NPC1L1: variants seen among roughly 807,000 people sequenced by gnomAD.
NPC1L1 encodes NPC1 like intracellular cholesterol transporter 1, also known as NPC1-like intracellular cholesterol transporter 1.
A neutral mutation model predicts 117.0 loss-of-function variants in NPC1L1; 98 were observed. That is an observed-to-expected ratio of 0.84 (90% CI 0.71 to 0.99). The LOEUF is 0.99. Ranked by LOEUF, NPC1L1 falls within the 50% of genes least tolerant of loss-of-function variation. The probability of loss-of-function intolerance (pLI) is 0.00; values close to 1 mark genes in which losing one functional copy is unlikely to be tolerated. For missense variants in NPC1L1, 1,540 were observed against 1,710.0 expected (o/e 0.90, Z 1.75); for synonymous variants, 729 against 727.6 (o/e 1.00, Z -0.03).
intron 10 of NPC1L1, among the ~76,000 whole-genome samples, chr7:44,523,821 T>G (rs1801431736): frequency 6.6e-6 from 1 of 152,206 alleles, no homozygotes; most frequent in Non-Finnish European, 1.5e-5. Flanking sequence ...GACCTATGAT[T>G]GCACCACTGC....
chr7:44,537,317 T>C (rs1334185821), intron 2 of NPC1L1, among the ~76,000 whole-genome samples: 1 of 152,216 alleles, frequency 6.6e-6, no homozygotes, highest in Non-Finnish European at 1.5e-5. Context: ...GACTCTGGAT[T>C]GAGCGTCACA....
intron 2 of NPC1L1, among the ~76,000 whole-genome samples, 199 bp from the exon 3 acceptor site, chr7:44,537,141 A>G (rs1562569440): frequency 6.6e-6 from 1 of 152,164 alleles, no homozygotes; most frequent in Admixed American, 6.5e-5. Context: ...TGGGTCCTAA[A>G]TGGCTCCCAT....
In NPC1L1 at chr7:44,540,313, G is replaced by A; in HGVS notation, c.84C>T (p.His28=). Residue 28 remains histidine (H), a synonymous_variant, in exon 2 of 19, where the codon CAC becomes CAT. Coordinates refer to ENST00000381160, the MANE Select transcript of NPC1L1 (RefSeq NM_001101648.2). ...LAQSEPYTTI[H]QPGYCAFYDE... is the part of the protein sequence containing the mutation. ...CATAGAAGGCGCAGTAGCCAGGCTG[G>A]TGGATGGTTGTGTAAGGCTCACTCT... is the stretch of plus-strand genomic sequence containing the variant. 6.2e-7 allele frequency: 1 copy of A among 1,613,460 alleles called. No individual in the cohort carries two copies. Among genetic ancestry groups the A allele is most frequent in the South Asian group, 1.1e-5 (1 of 91,082 alleles).
At chr7:44,519,029 CT>C (rs1191533407) in intron 14 of NPC1L1, among the ~76,000 whole-genome samples, 1 of 113,684 alleles carries the variant, frequency 8.8e-6, no homozygotes, top group Non-Finnish European at 2.2e-5. Flanking sequence ...CCCTTTCTTT[CT>C]TTTCTTTTCT....
chr7:44,533,802 G>A lies in NPC1L1; in HGVS notation c.2218C>T (p.Leu740=). ...AGCATGCTGGGAGCCACCCTGCCTAGGGCTCGCCCAATGTGGACCTCTCGT... is the reference window on the plus strand; with the variant it reads ...AGCATGCTGGGAGCCACCCTGCCTAAGGCTCGCCCAATGTGGACCTCTCGT... ...EPREVHIGRA[L]GRVAPSMLLC... is the part of the protein sequence containing the mutation. The change falls in exon 7 of 19, where the codon CTA becomes TTA. Residue 740 remains leucine (L), a synonymous_variant. Coordinates refer to ENST00000381160, the MANE Select transcript of NPC1L1 (RefSeq NM_001101648.2). The A allele has an allele frequency of 6.2e-7, 1 of 1,613,928 alleles. No homozygotes were observed. The highest frequency in any genetic ancestry group is 8.5e-7 in the Non-Finnish European group (1 of 1,179,988).
In NPC1L1 at chr7:44,518,113, C is replaced by CAA. The variant is rs113705525; in HGVS notation, c.3137-758_3137-757dup. On this transcript the variant is annotated intron_variant, in intron 14 of 18. Coordinates refer to ENST00000381160, the MANE Select transcript of NPC1L1 (RefSeq NM_001101648.2). ...TGGGCAACAGAGCAAGATCCCATCT[C>CAA]AAAAAAAAAAAAGAAGAAATTAAGG... Among the ~76,000 whole-genome samples the CAA allele has an allele frequency of 1.1e-3, 150 of 136,240 alleles. 3 individuals carry two copies. The highest frequency in any genetic ancestry group is 7.7e-3 in the Middle Eastern group (2 of 260). 89.4% of individuals were successfully genotyped at this position (136,240 alleles called of 152,430 possible).
At chr7:44,520,077 T>C (rs1239554802) in intron 14 of NPC1L1, among the ~76,000 whole-genome samples, 1 of 152,146 alleles carries the variant, frequency 6.6e-6, no homozygotes. Context: ...GTCAGGAGTT[T>C]GAGACCAGCT....
rs532138607 is a variant in NPC1L1 at position 44,539,359 on chromosome 7, C to T, written c.1038G>A (p.Thr346=). The T allele has an allele frequency of 2.0e-5, 33 of 1,613,424 alleles. No individual in the cohort carries two copies. The East Asian group carries it at 2.2e-4, about 11-fold the overall frequency. ...LLGQFFQGWG[T]WVASWPLTIL... is the part of the protein sequence containing the mutation. ...TGGTCAGAGGCCACGAAGCCACCCA[C>T]GTGCCCCAGCCCTGGAAGAACTGGC... The change falls in exon 2 of 19, where the codon ACG becomes ACA. Residue 346 remains threonine (T), a synonymous_variant. Transcript: ENST00000381160. This position sits in a 1 kb window ranked among gnomAD's most constrained non-coding sequence, Gnocchi z 4.4.
At chr7:44,517,470 G>A in intron 14 of NPC1L1, 113 bp from the exon 15 acceptor site, 2 of 1,306,020 alleles carry the variant, frequency 1.5e-6, no homozygotes, top group Non-Finnish European at 2.2e-6. Context: ...GCGGGGTTCA[G>A]GGCTCTGCCA....
At position 44,536,394 on chromosome 7, in the gene NPC1L1, C is replaced by T; in HGVS notation, c.1716G>A (p.Met572Ile). The change falls in exon 4 of 19, where the codon ATG becomes ATA. Residue 572 changes from methionine (M) to isoleucine (I), a missense_variant. By Grantham distance (10) the Met-to-Ile change is conservative. Coordinates refer to ENST00000381160, the MANE Select transcript of NPC1L1 (RefSeq NM_001101648.2). The surrounding 1 kb of genome is among the most constrained non-coding windows in gnomAD (Gnocchi z 4.7). ...CAGGGTAATTGTTGAGGGAGAACGT[C>T]ATGATCAGGGCCTCTGCCTCAGAAT... ...KDYSEAEALI[M>I]TFSLNNYPAG... 6.2e-7 allele frequency: 1 copy of T among 1,613,936 alleles called. No homozygotes were observed. The highest frequency in any genetic ancestry group is 1.3e-5 in the African/African-American group (1 of 75,048).
In NPC1L1 at chr7:44,516,145, A is replaced by G; in HGVS notation, c.3572T>C (p.Ile1191Thr). Reference sequence around the variant, plus strand: ...CTCCAGCCAGGTGGGCTTGGTGCTGATGGCAAAGGAGCGGGTAATGTGGGA... The same window carrying G: ...CTCCAGCCAGGTGGGCTTGGTGCTGGTGGCAAAGGAGCGGGTAATGTGGGA... ...FVSHITRSFAISTKPTWLERA... is the reference protein window; with the variant it reads ...FVSHITRSFATSTKPTWLERA... Residue 1191 changes from isoleucine (I) to threonine (T), a missense_variant, in exon 17 of 19, where the codon ATC (isoleucine) becomes ACC (threonine). By Grantham distance (89) the Ile-to-Thr change is moderately conservative (BLOSUM62 -1). This residue lies in a region of NPC1L1 where 742 missense variants were observed against 873.6 expected (regional missense o/e 0.85). Coordinates refer to ENST00000381160, the MANE Select transcript of NPC1L1 (RefSeq NM_001101648.2). 1 of 1,612,818 alleles carries G rather than the reference A, an allele frequency of 6.2e-7. No homozygotes were observed. Among genetic ancestry groups the G allele is most frequent in the Non-Finnish European group, 8.5e-7 (1 of 1,179,486 alleles).
intron 14 of NPC1L1, among the ~76,000 whole-genome samples, chr7:44,519,757 T>A (rs1801296371): frequency 6.6e-6 from 1 of 152,072 alleles, no homozygotes; most frequent in Admixed American, 6.6e-5. Flanking sequence ...TGACAGCATG[T>A]TGTGGGTCCT....
chr7:44,539,794 G>A lies in NPC1L1; in HGVS notation c.603C>T (p.Arg201=). ...VYGSALCNAQ[R]WLNFQGDTGN... ...CTGTGTCTCCCTGGAAGTTGAGCCAGCGCTGGGCATTGCAAAGGGCAGAGC... is the reference window on the plus strand; with the variant it reads ...CTGTGTCTCCCTGGAAGTTGAGCCAACGCTGGGCATTGCAAAGGGCAGAGC... Residue 201 remains arginine (R), a synonymous_variant, in exon 2 of 19, where the codon CGC becomes CGT. Transcript: ENST00000381160. The surrounding 1 kb of genome is among the most constrained non-coding windows in gnomAD (Gnocchi z 4.4). 1 of 1,614,184 alleles carries A rather than the reference G, an allele frequency of 6.2e-7. No individual in the cohort carries two copies. Among genetic ancestry groups the A allele is most frequent in the Non-Finnish European group, 8.5e-7 (1 of 1,180,052 alleles).
intron 5 of NPC1L1, among the ~76,000 whole-genome samples, chr7:44,535,631 G>A (rs1801858475): frequency 6.6e-6 from 1 of 152,176 alleles, no homozygotes; most frequent in Admixed American, 6.5e-5. Context: ...GCAAAGAAAA[G>A]AGAAGAAAAA....
chr7:44,537,507 C>G (rs939689961), intron 2 of NPC1L1, among the ~76,000 whole-genome samples: 2 of 152,224 alleles, frequency 1.3e-5, no homozygotes, highest in Non-Finnish European at 2.9e-5. Context: ...GTTTACTAGA[C>G]TGGTGCCCTC....
In NPC1L1 at chr7:44,533,900, C is replaced by T. The variant is rs370910299; in HGVS notation, c.2167-47G>A. On this transcript the variant is annotated intron_variant, in intron 6 of 18. Transcript: ENST00000381160. ...AAGAGCCAGGGCCCTCCAAGGGCACCGCCCCTCAAAGGCCAGCAGGGAGTT... is the reference window on the plus strand; with the variant it reads ...AAGAGCCAGGGCCCTCCAAGGGCACTGCCCCTCAAAGGCCAGCAGGGAGTT... 2.5e-4 allele frequency: 376 copies of T among 1,510,078 alleles called. 2 individuals carry two copies. The highest frequency in any genetic ancestry group is 2.4e-3 in the South Asian group (203 of 84,556). 93.5% of individuals were successfully genotyped at this position (1,510,078 alleles called of 1,614,324 possible). A position where few individuals can be genotyped will look rare whatever the true frequency, so the allele number is the denominator to read the frequency against.
At chr7:44,519,448 G>T (rs533626420) in intron 14 of NPC1L1, among the ~76,000 whole-genome samples, 3 of 152,250 alleles carry the variant, frequency 2.0e-5, no homozygotes, top group Non-Finnish European at 2.9e-5. Flanking sequence ...CACAGAGCCT[G>T]TTGTGCTCAG....
At chr7:44,521,583 C>T (rs1189532693) in intron 12 of NPC1L1, 129 bp downstream of exon 12, 5 of 1,462,996 alleles carry the variant, frequency 3.4e-6, no homozygotes, top group Non-Finnish European at 4.8e-6. Context: ...CACATCTGCA[C>T]CCATGCCCCC....
chr7:44,539,914 C>T lies in NPC1L1; in HGVS notation c.483G>A (p.Gln161=). ...CATAGCTCTGCTCGGCAAAGCTATG[C>T]TGGTAGAAGGCCTCATAGGCCACCA... is the stretch of plus-strand genomic sequence containing the variant. The part of the protein sequence containing the change: ...PAVVAYEAFY[Q]HSFAEQSYDS... Residue 161 remains glutamine (Q), a synonymous_variant, in exon 2 of 19, where the codon CAG becomes CAA. Coordinates refer to ENST00000381160, the MANE Select transcript of NPC1L1 (RefSeq NM_001101648.2). The surrounding 1 kb of genome is among the most constrained non-coding windows in gnomAD (Gnocchi z 4.4). 6.2e-7 allele frequency: 1 copy of T among 1,614,210 alleles called. No individual in the cohort carries two copies. Among genetic ancestry groups the T allele is most frequent in the East Asian group, 2.2e-5 (1 of 44,886 alleles).
Sources: allele counts gnomAD v4.1 joint callset (sites outside exome capture counted in the v4.1 genomes callset), GRCh38; gene constraint gnomAD v4.1.1; regional missense constraint gnomAD v4.1.1; non-coding constraint Gnocchi (gnomAD v3.1); transcripts MANE v1.5; gene names NCBI Gene and HGNC (gene_info 2026-07-23, HGNC 2026-07-21).